USH2A: variants seen among roughly 807,000 people sequenced by gnomAD.
USH2A encodes usherin.
A neutral mutation model predicts 538.9 loss-of-function variants in USH2A; 443 were observed. That is an observed-to-expected ratio of 0.82 (90% CI 0.76 to 0.89). The LOEUF is 0.89. Ranked by LOEUF, USH2A falls within the 40% of genes least tolerant of loss-of-function variation. The pLI, the probability that USH2A is intolerant of heterozygous loss-of-function variation, is 0.00. For missense variants in USH2A, 6,633 were observed against 6,324.8 expected (o/e 1.05, Z -1.65); for synonymous variants, 2,413 against 2,273.5 (o/e 1.06, Z -1.75).
chr1:216,013,959 A>G (rs139206662), intron 32 of USH2A, among the ~76,000 whole-genome samples: 2,054 of 152,332 alleles, frequency 0.013, 47 homozygotes, highest in African/African-American at 0.047. Context: ...TTGTGATTAA[A>G]TAGCTTTTTT....
chr1:216,395,023 A>G (rs1364014753), intron 3 of USH2A, among the ~76,000 whole-genome samples: 1 of 152,078 alleles, frequency 6.6e-6, no homozygotes, highest in African/African-American at 2.4e-5. Flanking sequence ...CAGCCGGTCC[A>G]GTCGTTTTTA....
rs528163764 is a variant in USH2A, at chr1:215,789,817, G to A, written c.10182+242C>T. Among the ~76,000 whole-genome samples the A allele has an allele frequency of 5.9e-5, 9 of 152,164 alleles. No homozygotes were observed. In the South Asian group the frequency reaches 1.9e-3, roughly 32 times the overall value. ...CAGTGGCACACAGACTTTCAGTCCT[G>A]CACTAATCTGAAGTGCTGGGTAAAG... On this transcript the variant is annotated intron_variant, in intron 51 of 71. Coordinates refer to ENST00000307340, the MANE Select transcript of USH2A (RefSeq NM_206933.4).
chr1:216,289,987 T>A (rs115588934), intron 10 of USH2A, among the ~76,000 whole-genome samples: 7,694 of 152,220 alleles, frequency 0.051, 304 homozygotes, highest in Middle Eastern at 0.16. Flanking sequence ...CAAGTACTTT[T>A]CATACTAAAT....
At chr1:215,794,888 G>A (rs1251611852) in intron 50 of USH2A, among the ~76,000 whole-genome samples, 1 of 152,180 alleles carries the variant, frequency 6.6e-6, no homozygotes, top group Non-Finnish European at 1.5e-5. Context: ...TATATTCCAT[G>A]CACTATTATT....
chr1:216,295,320 A>AT (rs1232448106), intron 9 of USH2A, among the ~76,000 whole-genome samples: 2 of 151,938 alleles, frequency 1.3e-5, no homozygotes, highest in Admixed American at 6.6e-5. Context: ...CTGTGCTTGC[A>AT]TTTTTTAATA....
rs1011641858 is a variant in USH2A at position 216,257,634 on chromosome 1, T to C, written c.1972-6536A>G. ...CCATAAATTATTTGAATATTTTTTA[T>C]ATTCCCACCTCCACCCCACCATTCC... is the stretch of plus-strand genomic sequence containing the variant. On this transcript the variant is annotated intron_variant, in intron 11 of 71. Transcript: ENST00000307340. 2.0e-5 allele frequency among the ~76,000 whole-genome samples: 3 copies of C among 151,956 alleles called. No homozygotes were observed. In the South Asian group the frequency reaches 6.2e-4, roughly 31 times the overall value.
intron 50 of USH2A, among the ~76,000 whole-genome samples, chr1:215,790,858 G>A (rs1661961596): frequency 6.6e-6 from 1 of 152,162 alleles, no homozygotes; most frequent in Admixed American, 6.5e-5. Flanking sequence ...GATGGATTTG[G>A]TATTTATTCA....
chr1:216,360,700 T>G (rs2038475688), intron 4 of USH2A, among the ~76,000 whole-genome samples: 1 of 123,980 alleles, frequency 8.1e-6, no homozygotes, highest in South Asian at 2.4e-4. Flanking sequence ...CTAAAATTGC[T>G]CTAAAAAAAT....
chr1:216,224,841 C>T (rs1316965309), intron 14 of USH2A, among the ~76,000 whole-genome samples: 2 of 152,062 alleles, frequency 1.3e-5, no homozygotes, highest in African/African-American at 4.8e-5. Flanking sequence ...TAATATGATA[C>T]TTGTATCTTC....
chr1:215,646,907 C>T (rs564354475), intron 67 of USH2A, among the ~76,000 whole-genome samples: 1 of 152,172 alleles, frequency 6.6e-6, no homozygotes, highest in Non-Finnish European at 1.5e-5. Context: ...CAATTGCCTG[C>T]AGTATTCAGC....
intron 4 of USH2A, among the ~76,000 whole-genome samples, chr1:216,355,169 G>C (rs1286562812): frequency 9.2e-5 from 14 of 151,792 alleles, no homozygotes; most frequent in Admixed American, 9.2e-4. Context: ...TTGGCATGGT[G>C]GCATACACCT....
At chr1:215,797,275 C>T (rs918816901) in intron 50 of USH2A, among the ~76,000 whole-genome samples, 7 of 152,196 alleles carry the variant, frequency 4.6e-5, no homozygotes, top group Non-Finnish European at 8.8e-5. Flanking sequence ...ATCTTCATAA[C>T]ATAAAAGTGC....
Position 215,674,132 on chromosome 1 carries a change from T to G in USH2A, c.13779A>C (p.Ser4593=), listed in dbSNP as rs770551029. ...NTTHNSFGMQ[S]YIVNQLKPFH... ...ATGGCTTCAGCTGGTTTACTATATA[T>G]GACTGCATACCAAAAGAATTATGAG... is the stretch of plus-strand genomic sequence containing the variant. Residue 4593 remains serine, a synonymous_variant, in exon 63 of 72, where the codon TCA becomes TCC. Transcript: ENST00000307340. 1.2e-6 allele frequency: 2 copies of G among 1,614,078 alleles called. No individual in the cohort carries two copies. Among genetic ancestry groups the G allele is most frequent in the Non-Finnish European group, 1.7e-6 (2 of 1,180,022 alleles).
At chr1:215,858,556 G>A (rs1664232629) in intron 44 of USH2A, among the ~76,000 whole-genome samples, 1 of 150,082 alleles carries the variant, frequency 6.7e-6, no homozygotes. Flanking sequence ...GGCCTTTCCA[G>A]CCATGCAGAA....
intron 55 of USH2A, among the ~76,000 whole-genome samples, chr1:215,771,659 T>C (rs1661293228): frequency 6.7e-6 from 1 of 149,946 alleles, no homozygotes; most frequent in Non-Finnish European, 1.5e-5. Flanking sequence ...TATTTTCATT[T>C]TGAATATTAT....
At position 215,767,105 on chromosome 1, in the gene USH2A, G is replaced by C. The variant is rs779998022; in HGVS notation, c.10940-317C>G. 1.8e-4 allele frequency among the ~76,000 whole-genome samples: 27 copies of C among 152,114 alleles called. 1 individual carries two copies. The highest frequency in any genetic ancestry group is 3.9e-4 in the Admixed American group (6 of 15,258). On this transcript the variant is annotated intron_variant, in intron 55 of 71. Transcript: ENST00000307340. ...CCTGCCTATCGGATCAGAGCACTCC[G>C]TCTCTCAAAGAGCCCATTACATCTT...
At chr1:216,298,676 A>T (rs1483077696) in intron 9 of USH2A, among the ~76,000 whole-genome samples, 3 of 152,182 alleles carry the variant, frequency 2.0e-5, no homozygotes, top group Non-Finnish European at 4.4e-5. Flanking sequence ...TGATTCTCAA[A>T]TTATTATTTT....
At chr1:216,182,554 T>C (rs17649639) in intron 20 of USH2A, among the ~76,000 whole-genome samples, 2,218 of 152,138 alleles carry the variant, frequency 0.015, 19 homozygotes, top group South Asian at 0.023. Context: ...TAAAAAGCAG[T>C]TAATTTTGTT....
intron 22 of USH2A, 39 bp from the exon 23 acceptor site, chr1:216,089,178 C>T (rs1229494893): frequency 6.3e-7 from 1 of 1,593,348 alleles, no homozygotes; most frequent in East Asian, 2.2e-5. Context: ...TTTATACATG[C>T]ATATCTACAA....
Sources: gnomAD v4.1 joint callset for allele counts (sites outside exome capture counted in the v4.1 genomes callset) on GRCh38, gnomAD v4.1.1 for gene constraint, MANE v1.5 for transcripts, NCBI Gene and HGNC (gene_info 2026-07-23, HGNC 2026-07-21) for gene names.